AQP7B: variants seen among roughly 807,000 people sequenced by gnomAD.
The protein encoded by AQP7B is aquaporin 7B, also known as putative aquaporin-7B.
the AQP7B span, among the ~76,000 whole-genome samples, chr2:94,596,940 C>T: frequency 6.6e-6 from 1 of 152,116 alleles, no homozygotes; most frequent in Non-Finnish European, 1.5e-5. Context: ...ATTCAGGTGA[C>T]CTTCCTGCCT....
chr2:94,589,144 C>T, the AQP7B span, among the ~76,000 whole-genome samples: 1 of 151,662 alleles, frequency 6.6e-6, no homozygotes, highest in African/African-American at 2.4e-5. Flanking sequence ...GCACACACTA[C>T]CATGCCCAGC....
the AQP7B span, among the ~76,000 whole-genome samples, chr2:94,592,996 G>T: frequency 6.6e-6 from 1 of 151,382 alleles, no homozygotes; most frequent in Non-Finnish European, 1.5e-5. Flanking sequence ...ACTAATTTTT[G>T]TATTTTTTTT....
chr2:94,599,761 ACATCC>A, the AQP7B span, among the ~76,000 whole-genome samples: 1 of 151,792 alleles, frequency 6.6e-6, no homozygotes, highest in Non-Finnish European at 1.5e-5. Context: ...ACAAAATGAA[ACATCC>A]CTCCCTTCAC....
chr2:94,594,681 G>C, the AQP7B span: 2 of 1,130,138 alleles, frequency 1.8e-6, no homozygotes, highest in Middle Eastern at 2.1e-4. Flanking sequence ...GAGTTGAAGA[G>C]CCGATGGGCA....
the AQP7B span, chr2:94,604,476 T>C: frequency 6.2e-7 from 1 of 1,611,200 alleles, no homozygotes. Flanking sequence ...GAACCCATGA[T>C]CTCTCCCCTC....
the AQP7B span, among the ~76,000 whole-genome samples, chr2:94,601,602 G>A: frequency 1.3e-5 from 2 of 152,202 alleles, no homozygotes; most frequent in African/African-American, 4.8e-5. Flanking sequence ...TGCGAGGGAA[G>A]GGGTGAAGCA....
the AQP7B span, among the ~76,000 whole-genome samples, chr2:94,590,302 C>A: frequency 6.6e-6 from 1 of 152,314 alleles, no homozygotes; most frequent in Admixed American, 6.5e-5. Context: ...CACGTCTCAG[C>A]CCCCACCCCA....
the AQP7B span, chr2:94,603,221 A>C: frequency 6.9e-7 from 1 of 1,439,116 alleles, no homozygotes; most frequent in African/African-American, 1.4e-5. Context: ...GCCGCCTCCT[A>C]TGAAATATGG....
the AQP7B span, among the ~76,000 whole-genome samples, chr2:94,600,503 G>A: frequency 6.6e-5 from 10 of 152,258 alleles, no homozygotes; most frequent in African/African-American, 2.2e-4. Context: ...AGGCTGAGGT[G>A]AGAGGATTGC....
At chr2:94,601,077 G>A in the AQP7B span, among the ~76,000 whole-genome samples, 1 of 152,056 alleles carries the variant, frequency 6.6e-6, no homozygotes, top group Admixed American at 6.5e-5. Context: ...ATAAAACAGA[G>A]GCACAAGAAA....
At chr2:94,589,597 C>T in the AQP7B span, among the ~76,000 whole-genome samples, 1 of 152,168 alleles carries the variant, frequency 6.6e-6, no homozygotes, top group Non-Finnish European at 1.5e-5. Flanking sequence ...TTGCTGTCAG[C>T]TCCACACAAG....
the AQP7B span, among the ~76,000 whole-genome samples, chr2:94,599,548 C>A: frequency 6.6e-6 from 1 of 152,132 alleles, no homozygotes; most frequent in African/African-American, 2.4e-5. Flanking sequence ...TGCCACCAGA[C>A]CCATTAACCA....
At chr2:94,604,077 C>T in the AQP7B span, 4 of 697,468 alleles carry the variant, frequency 5.7e-6, no homozygotes, top group South Asian at 1.9e-5. Context: ...CCAACATTTC[C>T]CCAGGCCAGT....
At chr2:94,601,977 G>A in the AQP7B span, among the ~76,000 whole-genome samples, 6 of 151,916 alleles carry the variant, frequency 3.9e-5, no homozygotes, top group African/African-American at 1.5e-4. Context: ...GGGCAAGACA[G>A]TTAGGGCCCC....
the AQP7B span, among the ~76,000 whole-genome samples, chr2:94,587,553 G>A: frequency 2.6e-5 from 4 of 152,100 alleles, no homozygotes; most frequent in Admixed American, 6.5e-5. Flanking sequence ...TGGAAGTCCC[G>A]GCTTTCTTGT....
the AQP7B span, among the ~76,000 whole-genome samples, chr2:94,593,011 A>G: frequency 6.6e-6 from 1 of 151,284 alleles, no homozygotes; most frequent in East Asian, 2.0e-4. Flanking sequence ...TTTTTTTCGT[A>G]GAGATGAGGT....
the AQP7B span, chr2:94,602,629 G>C: frequency 2.5e-6 from 4 of 1,582,646 alleles, no homozygotes; most frequent in Admixed American, 1.7e-5. Context: ...AGTGAGCCCA[G>C]GGCCTACCAG....
the AQP7B span, among the ~76,000 whole-genome samples, chr2:94,600,068 G>A: frequency 1.3e-5 from 2 of 151,580 alleles, no homozygotes; most frequent in Admixed American, 6.6e-5. Context: ...TAGTAGAGAC[G>A]GGGTTTTGTC....
At chr2:94,602,606 C>T in the AQP7B span, 19 of 1,594,914 alleles carry the variant, frequency 1.2e-5, no homozygotes, top group African/African-American at 1.5e-4. Flanking sequence ...CGTGGCAGGC[C>T]GCATCTCTGG....
Sources: gnomAD v4.1 joint callset for allele counts (sites outside exome capture counted in the v4.1 genomes callset) on GRCh38, gnomAD v4.1.1 for gene constraint, MANE v1.5 for transcripts, NCBI Gene and HGNC (gene_info 2026-07-23, HGNC 2026-07-21) for gene names.